DAB2IP: variants seen among roughly 807,000 people sequenced by gnomAD.
DAB2IP encodes DAB2 interacting protein.
A neutral mutation model predicts 107.2 loss-of-function variants in DAB2IP; 28 were observed. That is an observed-to-expected ratio of 0.26 (90% CI 0.19 to 0.36). The LOEUF (loss-of-function observed/expected upper bound fraction) is 0.36, where lower values mean the gene tolerates loss of function less well. Among genes scored for constraint, DAB2IP ranks in the 10% least tolerant of loss-of-function variants. DAB2IP has a pLI of 1.00. For synonymous variants in DAB2IP, 755 were observed against 706.4 expected (o/e 1.07, Z -1.09); for missense variants, 1,400 against 1,644.7 (o/e 0.85, Z 2.57).
At chr9:121,717,534 T>C (rs1217774988) in intron 3 of DAB2IP, among the ~76,000 whole-genome samples, 1 of 152,208 alleles carries the variant, frequency 6.6e-6, no homozygotes, top group Non-Finnish European at 1.5e-5. Context: ...ACACGGTGTG[T>C]AATTGACCTT....
intron 1 of DAB2IP, among the ~76,000 whole-genome samples, chr9:121,661,934 T>C (rs1833224271): frequency 6.6e-6 from 1 of 151,000 alleles, no homozygotes; most frequent in Admixed American, 6.6e-5. Flanking sequence ...TGACCTATGA[T>C]CGCACCACTG....
exon 12 of DAB2IP, chr9:121,773,141 G>A (rs1189972665): frequency 5.0e-6 from 8 of 1,610,732 alleles, no homozygotes; most frequent in Middle Eastern, 1.7e-4. Flanking sequence ...CTGCTGCCAA[G>A]CTGGGAAGTT....
exon 16 of DAB2IP, chr9:121,783,709 C>A: frequency 1.0e-6 from 1 of 955,738 alleles, no homozygotes. Context: ...TCCTCCTCAC[C>A]CTTCCCGGCC....
At chr9:121,741,437 T>G (rs527294326) in intron 3 of DAB2IP, among the ~76,000 whole-genome samples, 1 of 152,312 alleles carries the variant, frequency 6.6e-6, no homozygotes, top group Admixed American at 6.5e-5. Context: ...ACAGCCTGTG[T>G]GGCTTTAGGC....
At chr9:121,650,508 G>A (rs1349667376), upstream of DAB2IP, among the ~76,000 whole-genome samples, 1 of 152,178 alleles carries the variant, frequency 6.6e-6, no homozygotes, top group Non-Finnish European at 1.5e-5. Context: ...CACTTGCGGT[G>A]ACTCACACCC....
chr9:121,774,966 T>C (rs1835092159), intron 13 of DAB2IP, among the ~76,000 whole-genome samples: 2 of 152,166 alleles, frequency 1.3e-5, no homozygotes, highest in Admixed American at 1.3e-4. Flanking sequence ...CAGGCTGCCA[T>C]TGAGATGTTT....
chr9:121,678,380 A>G (rs1469312187), intron 1 of DAB2IP, among the ~76,000 whole-genome samples: 1 of 152,194 alleles, frequency 6.6e-6, no homozygotes, highest in Non-Finnish European at 1.5e-5. Flanking sequence ...GTGTGTGTCC[A>G]TTCTTCTGCT....
Position 121,702,078 on chromosome 9 carries a change from C to T in DAB2IP, c.362+2620C>T, listed in dbSNP as rs557135467. ...GGCCTTCCCGTGTAGATGAGCGGCA[C>T]AGGGCACTCTGGGGCGGCCACTTGA... On this transcript the variant is annotated intron_variant, in intron 3 of 15. Transcript: ENST00000408936. This position sits in a 1 kb window ranked among gnomAD's most constrained non-coding sequence, Gnocchi z 4.5. Among the ~76,000 whole-genome samples the T allele has an allele frequency of 1.4e-4, 21 of 151,784 alleles. No individual in the cohort carries two copies. The highest frequency in any genetic ancestry group is 1.0e-4 in the Non-Finnish European group (7 of 67,860).
chr9:121,653,782 G>A (rs562021875), intron 1 of DAB2IP, among the ~76,000 whole-genome samples: 1 of 152,148 alleles, frequency 6.6e-6, no homozygotes, highest in Non-Finnish European at 1.5e-5. Flanking sequence ...TAATCAATGT[G>A]TCAGGGGCTG....
At chr9:121,690,788 T>G (rs933541215) in intron 2 of DAB2IP, among the ~76,000 whole-genome samples, 3 of 152,164 alleles carry the variant, frequency 2.0e-5, no homozygotes, top group African/African-American at 7.2e-5. Context: ...TTTACTTGGG[T>G]GTCCTCTGCC....
chr9:121,712,573 G>T (rs889468200), intron 3 of DAB2IP, among the ~76,000 whole-genome samples: 1 of 152,120 alleles, frequency 6.6e-6, no homozygotes, highest in Non-Finnish European at 1.5e-5. Context: ...TTTCATTGAC[G>T]TGAATTTTCC....
At chr9:121,609,293 C>T (rs1402224054) in intron 1 of DAB2IP, among the ~76,000 whole-genome samples, 1 of 152,148 alleles carries the variant, frequency 6.6e-6, no homozygotes, top group Non-Finnish European at 1.5e-5. Flanking sequence ...GTCTGTCTTC[C>T]CCATGGTGGG....
chr9:121,592,763 C>T (rs976804637), intron 1 of DAB2IP, among the ~76,000 whole-genome samples: 2 of 152,166 alleles, frequency 1.3e-5, no homozygotes, highest in African/African-American at 4.8e-5. Context: ...ATGCCTTTGG[C>T]AAATCACTCC....
intron 2 of DAB2IP, among the ~76,000 whole-genome samples, chr9:121,679,911 G>A (rs1268808991): frequency 2.0e-5 from 3 of 152,176 alleles, no homozygotes; most frequent in Non-Finnish European, 4.4e-5. Flanking sequence ...AAGGTATGGA[G>A]GCACCCTAGA....
At chr9:121,759,033 T>A (rs1226162750) in intron 5 of DAB2IP, 37 bp downstream of exon 5, 1 of 1,578,054 alleles carries the variant, frequency 6.3e-7, no homozygotes, top group South Asian at 1.1e-5. Flanking sequence ...CATGGGGGAT[T>A]GAAGGTAGGC....
intron 9 of DAB2IP, among the ~76,000 whole-genome samples, chr9:121,767,612 C>CCAGA (rs905693264): frequency 2.6e-5 from 4 of 152,156 alleles, no homozygotes; most frequent in African/African-American, 9.7e-5. Context: ...GACCTGAAGG[C>CCAGA]CAGACAGGGC....
chr9:121,754,145 C>G (rs577585893), intron 3 of DAB2IP, among the ~76,000 whole-genome samples: 1 of 152,132 alleles, frequency 6.6e-6, no homozygotes, highest in South Asian at 2.1e-4. Flanking sequence ...CAGGAAGTGA[C>G]CAAATGACCA....
intron 2 of DAB2IP, among the ~76,000 whole-genome samples, chr9:121,689,292 TAA>T (rs148765739): frequency 1.7e-4 from 21 of 124,468 alleles, no homozygotes; most frequent in Admixed American, 2.5e-4. Flanking sequence ...AAATTCCATC[TAA>T]AAAAAAAAAA....
chr9:121,772,863 G>C lies in DAB2IP; in HGVS notation c.2335G>C (p.Ala779Pro), dbSNP rs764715384. Reference sequence around the variant, plus strand: ...CCCCACAGATGGGCAGGCCGCTGCAGCTCAGCTGGTGGCCGGGTGGCCGGC... The same window carrying C: ...CCCCACAGATGGGCAGGCCGCTGCACCTCAGCTGGTGGCCGGGTGGCCGGC... The change falls in exon 12 of 16, where the codon GCT becomes CCT. Residue 779 changes from alanine to proline, a missense_variant. Physicochemically the swap from Ala to Pro is conservative, Grantham distance 27. Transcript: ENST00000408936. The surrounding 1 kb of genome is among the most constrained non-coding windows in gnomAD (Gnocchi z 4.7). The C allele has an allele frequency of 6.3e-6, 10 of 1,591,684 alleles. No individual in the cohort carries two copies. The highest frequency in any genetic ancestry group is 7.7e-6 in the Non-Finnish European group (9 of 1,171,106).
Sources: allele counts gnomAD v4.1 joint callset (sites outside exome capture counted in the v4.1 genomes callset), GRCh38; gene constraint gnomAD v4.1.1; non-coding constraint Gnocchi (gnomAD v3.1); transcripts MANE v1.5; gene names NCBI Gene and HGNC (gene_info 2026-07-23, HGNC 2026-07-21).